The following EFNA5 variants were observed in gnomAD, a reference collection of about 807,000 sequenced individuals.
EFNA5 encodes ephrin A5.
Under a neutral mutation model 22.9 loss-of-function variants are expected in EFNA5, and 5 were observed. That is an observed-to-expected ratio of 0.22 (90% confidence interval 0.11 to 0.46). EFNA5 has a LOEUF of 0.46. Among genes scored for constraint, EFNA5 ranks in the 20% least tolerant of loss-of-function variants. The pLI is 0.99. For synonymous variants in EFNA5, 113 were observed against 112.2 expected (o/e 1.01, Z -0.04); for missense variants, 237 against 293.3 (o/e 0.81, Z 1.40).
intron 1 of EFNA5, among the ~76,000 whole-genome samples, chr5:107,575,729 C>T (rs897324290): frequency 6.6e-6 from 1 of 151,942 alleles, no homozygotes; most frequent in Admixed American, 6.6e-5. Context: ...AATTGGGCCA[C>T]AGAATGAAAA....
intron 1 of EFNA5, among the ~76,000 whole-genome samples, chr5:107,548,544 T>C (rs540196659): frequency 2.6e-5 from 4 of 152,132 alleles, no homozygotes; most frequent in Non-Finnish European, 5.9e-5. Flanking sequence ...AACTTGAAAT[T>C]TGGGAAATAC....
intron 1 of EFNA5, among the ~76,000 whole-genome samples, chr5:107,523,328 C>T (rs184503775): frequency 6.3e-4 from 96 of 151,774 alleles, no homozygotes; most frequent in Admixed American, 1.1e-3. Context: ...CTCAGATATT[C>T]AACTTGTTTG....
intron 1 of EFNA5, among the ~76,000 whole-genome samples, chr5:107,650,616 G>T (rs1186978573): frequency 1.3e-5 from 2 of 152,106 alleles, no homozygotes; most frequent in East Asian, 1.9e-4. Context: ...TTAAGTAAAG[G>T]TATATTGTTA....
chr5:107,608,578 C>T (rs1749766265), intron 1 of EFNA5, among the ~76,000 whole-genome samples: 3 of 152,192 alleles, frequency 2.0e-5, no homozygotes, highest in Non-Finnish European at 4.4e-5. Flanking sequence ...TGCCGGGAGG[C>T]CACCAGCAGC....
At chr5:107,571,781 G>C (rs1386080848) in intron 1 of EFNA5, among the ~76,000 whole-genome samples, 5 of 152,168 alleles carry the variant, frequency 3.3e-5, no homozygotes, top group Non-Finnish European at 5.9e-5. Context: ...ACTGCGTTAT[G>C]AAACAGGTTT....
intron 1 of EFNA5, among the ~76,000 whole-genome samples, chr5:107,475,888 C>A (rs1475237813): frequency 1.3e-5 from 2 of 150,918 alleles, no homozygotes; most frequent in Non-Finnish European, 2.9e-5. Flanking sequence ...CAACACTTCC[C>A]AGATCCTTTA....
intron 1 of EFNA5, among the ~76,000 whole-genome samples, chr5:107,646,625 TGA>T (rs780657716): frequency 7.9e-5 from 12 of 152,160 alleles, no homozygotes; most frequent in Admixed American, 1.3e-4. Flanking sequence ...CTGTAAACAC[TGA>T]GACAGAAAGG....
intron 1 of EFNA5, among the ~76,000 whole-genome samples, chr5:107,585,108 G>A (rs1038272286): frequency 1.4e-4 from 21 of 152,270 alleles, no homozygotes; most frequent in African/African-American, 5.1e-4. Context: ...AATCTACCCT[G>A]GGAATAAATC....
At chr5:107,436,099 G>C (rs2112430566) in intron 1 of EFNA5, among the ~76,000 whole-genome samples, 1 of 152,248 alleles carries the variant, frequency 6.6e-6, no homozygotes. Context: ...TTTGCCTGTT[G>C]CTTTTCTACT....
chr5:107,381,957 C>T (rs765342337), intron 4 of EFNA5, among the ~76,000 whole-genome samples: 2 of 152,162 alleles, frequency 1.3e-5, no homozygotes, highest in Non-Finnish European at 2.9e-5. Flanking sequence ...CTTCAATAAA[C>T]GTATGCCCAC....
At chr5:107,485,038 G>T (rs1442020376) in intron 1 of EFNA5, among the ~76,000 whole-genome samples, 11 of 151,508 alleles carry the variant, frequency 7.3e-5, no homozygotes, top group Non-Finnish European at 1.6e-4. Flanking sequence ...TACAAATTAA[G>T]AAATTTCAGA....
At chr5:107,385,159 G>A (rs1747578037) in intron 4 of EFNA5, among the ~76,000 whole-genome samples, 1 of 151,976 alleles carries the variant, frequency 6.6e-6, no homozygotes, top group African/African-American at 2.4e-5. Context: ...TTGGGCCATT[G>A]TGCATTTTAA....
intron 1 of EFNA5, among the ~76,000 whole-genome samples, chr5:107,493,775 A>C (rs1006135758): frequency 2.8e-4 from 42 of 152,306 alleles, no homozygotes; most frequent in African/African-American, 9.9e-4. Flanking sequence ...TTTTGCCTTC[A>C]GAGTATTATC....
At chr5:107,571,723 G>T (rs1198669206) in intron 1 of EFNA5, among the ~76,000 whole-genome samples, 1 of 152,004 alleles carries the variant, frequency 6.6e-6, no homozygotes, top group Non-Finnish European at 1.5e-5. Flanking sequence ...ATACCCACTG[G>T]CAGGAACCAA....
intron 1 of EFNA5, among the ~76,000 whole-genome samples, chr5:107,486,772 C>T (rs1006400079): frequency 6.6e-6 from 1 of 152,190 alleles, no homozygotes; most frequent in Non-Finnish European, 1.5e-5. Context: ...TAAACTCTGT[C>T]AAACCCCTGA....
At chr5:107,482,887 TATATATAC>T (rs1561406500) in intron 1 of EFNA5, among the ~76,000 whole-genome samples, 1 of 144,918 alleles carries the variant, frequency 6.9e-6, no homozygotes, top group Non-Finnish European at 1.5e-5. Flanking sequence ...TATATATATA[TATATATAC>T]ATACATATAT....
intron 1 of EFNA5, among the ~76,000 whole-genome samples, chr5:107,440,576 T>G (rs746605058): frequency 2.0e-5 from 3 of 152,184 alleles, no homozygotes; most frequent in African/African-American, 4.8e-5. Flanking sequence ...TCCATACCCA[T>G]GAAAACTCAG....
intron 1 of EFNA5, among the ~76,000 whole-genome samples, chr5:107,516,015 T>C (rs952282263): frequency 5.3e-5 from 8 of 152,308 alleles, no homozygotes; most frequent in Admixed American, 2.6e-4. Flanking sequence ...GAATTTTATT[T>C]CATTTTTGAG....
intron 1 of EFNA5, among the ~76,000 whole-genome samples, chr5:107,523,942 C>A (rs748877260): frequency 1.3e-5 from 2 of 152,186 alleles, no homozygotes; most frequent in Admixed American, 1.3e-4. Context: ...AATAATTAAA[C>A]TGCACAGCAA....
Sources: allele counts gnomAD v4.1 joint callset (sites outside exome capture counted in the v4.1 genomes callset), GRCh38; gene constraint gnomAD v4.1.1; transcripts MANE v1.5; gene names NCBI Gene and HGNC (gene_info 2026-07-23, HGNC 2026-07-21).